Variants in SPHKAP observed in about 807,000 individuals in gnomAD.
SPHKAP encodes SPHK1 interactor, AKAP domain containing, also known as A-kinase anchor protein SPHKAP.
A neutral mutation model predicts 137.5 loss-of-function variants in SPHKAP; 67 were observed. That is an observed-to-expected ratio of 0.49 (90% CI 0.40 to 0.60). The LOEUF (loss-of-function observed/expected upper bound fraction) is 0.60, where lower values mean the gene tolerates loss of function less well. SPHKAP is among the 20% of genes least tolerant of loss of function. SPHKAP has a pLI of 0.00. For synonymous variants in SPHKAP, 813 were observed against 785.3 expected (o/e 1.04, Z -0.59); for missense variants, 2,097 against 2,069.3 (o/e 1.01, Z -0.26).
intron 1 of SPHKAP, among the ~76,000 whole-genome samples, chr2:228,159,404 T>C (rs888986670): frequency 6.6e-6 from 1 of 152,044 alleles, no homozygotes; most frequent in Non-Finnish European, 1.5e-5. Flanking sequence ...TTCTCGTATC[T>C]TCATGAGAGG....
At position 227,981,624 on chromosome 2, in the gene SPHKAP, G is replaced by T; in HGVS notation, c.*93C>A. On this transcript the variant is annotated 3_prime_UTR_variant, in exon 12 of 12. Coordinates refer to ENST00000392056, the MANE Select transcript of SPHKAP (RefSeq NM_001142644.2). ...TTTTATAGTTCTGCTAATGTGATGT[G>T]ATGTTTTGAGAATGTTTAGAGCATT... 1 of 1,448,158 alleles carries T rather than the reference G, an allele frequency of 6.9e-7. No individual in the cohort carries two copies. The highest frequency in any genetic ancestry group is 1.4e-5 in the South Asian group (1 of 71,682). The allele number at this position is 1,448,158 out of a possible 1,614,324, so 89.7% of individuals were successfully genotyped here.
chr2:228,114,297 A>G (rs1698634705), intron 2 of SPHKAP, among the ~76,000 whole-genome samples: 1 of 152,174 alleles, frequency 6.6e-6, no homozygotes, highest in Non-Finnish European at 1.5e-5. Context: ...CTTTTTATAT[A>G]GAGAACCAAG....
At chr2:228,094,549 A>G (rs1200253154) in intron 3 of SPHKAP, among the ~76,000 whole-genome samples, 1 of 152,236 alleles carries the variant, frequency 6.6e-6, no homozygotes, top group Non-Finnish European at 1.5e-5. Context: ...CTGACAGATG[A>G]TTATTGAAAG....
intron 1 of SPHKAP, chr2:228,173,082 C>G: frequency 1.0e-6 from 1 of 985,298 alleles, no homozygotes. Flanking sequence ...GTTTTATGTT[C>G]TTGAATAATC....
At chr2:228,174,052 T>G (rs996787078) in intron 1 of SPHKAP, among the ~76,000 whole-genome samples, 2 of 152,200 alleles carry the variant, frequency 1.3e-5, no homozygotes, top group Non-Finnish European at 2.9e-5. Context: ...GGTAGAGGCT[T>G]TAGTGTCTGA....
intron 3 of SPHKAP, among the ~76,000 whole-genome samples, chr2:228,094,140 A>T (rs971513999): frequency 6.6e-6 from 1 of 152,236 alleles, no homozygotes; most frequent in African/African-American, 2.4e-5. Context: ...TCAAATAAAC[A>T]TGATAATCTT....
chr2:228,090,918 C>G (rs1697707304), intron 3 of SPHKAP, among the ~76,000 whole-genome samples: 2 of 152,190 alleles, frequency 1.3e-5, no homozygotes, highest in Non-Finnish European at 2.9e-5. Flanking sequence ...AATTAAATCT[C>G]TCTTCTTGAT....
intron 3 of SPHKAP, among the ~76,000 whole-genome samples, chr2:228,077,543 A>G (rs988332433): frequency 4.6e-5 from 7 of 152,242 alleles, no homozygotes; most frequent in African/African-American, 1.7e-4. Flanking sequence ...TCAGACTTGC[A>G]TGGGGCCTGT....
chr2:228,050,484 T>C (rs2106272072), intron 3 of SPHKAP, among the ~76,000 whole-genome samples: 1 of 152,346 alleles, frequency 6.6e-6, no homozygotes, highest in Admixed American at 6.5e-5. Flanking sequence ...TAGGTGCTCA[T>C]CAATGGTGGA....
intron 3 of SPHKAP, chr2:228,028,094 A>G (rs1431530897): frequency 2.0e-6 from 2 of 982,952 alleles, no homozygotes; most frequent in Non-Finnish European, 2.4e-6. Context: ...GGCCCAACAT[A>G]CTAAAAAAGT....
chr2:228,153,696 TCA>T (rs1700008010), intron 1 of SPHKAP, among the ~76,000 whole-genome samples: 1 of 152,220 alleles, frequency 6.6e-6, no homozygotes, highest in African/African-American at 2.4e-5. Context: ...TATTTTCTTA[TCA>T]ACTTTTCAAT....
intron 1 of SPHKAP, among the ~76,000 whole-genome samples, chr2:228,142,955 G>A (rs1408662572): frequency 1.3e-5 from 2 of 151,866 alleles, no homozygotes; most frequent in African/African-American, 2.4e-5. Context: ...ACTCTTATCC[G>A]TGCATGCCTA....
rs1694663616 is a variant in SPHKAP, at chr2:228,017,698, G to A, written c.3156C>T (p.Phe1052=). The A allele has an allele frequency of 6.2e-7, 1 of 1,613,910 alleles. No homozygotes were observed. ...CCTGCCACATGCCGTCCACCATAGA[G>A]AACTCCGTTAGGTTCATGATCTTGG... is the stretch of plus-strand genomic sequence containing the variant. ...VAAKIMNLTE[F]SMVDGMWQAQ... Residue 1052 remains phenylalanine (F), a synonymous_variant, in exon 7 of 12, where the codon TTC becomes TTT. Coordinates refer to ENST00000392056, the MANE Select transcript of SPHKAP (RefSeq NM_001142644.2).
chr2:228,014,921 TTTATTA>T (rs1355088231), intron 7 of SPHKAP, among the ~76,000 whole-genome samples: 3 of 152,174 alleles, frequency 2.0e-5, no homozygotes, highest in African/African-American at 7.2e-5. Context: ...TAAATTTAAT[TTTATTA>T]TTATTATCAT....
At chr2:228,037,694 G>T (rs1695677942) in intron 3 of SPHKAP, among the ~76,000 whole-genome samples, 2 of 152,156 alleles carry the variant, frequency 1.3e-5, no homozygotes. Context: ...GAGGTAGTAG[G>T]AGTCGAAATG....
At chr2:228,010,335 T>C (rs1694319507) in intron 7 of SPHKAP, among the ~76,000 whole-genome samples, 1 of 152,162 alleles carries the variant, frequency 6.6e-6, no homozygotes, top group African/African-American at 2.4e-5. Context: ...AAGACCAGCC[T>C]GGCCAACATG....
In SPHKAP at chr2:227,993,603, G is replaced by A. The variant is rs1290966149; in HGVS notation, c.4652C>T (p.Ala1551Val). 6.3e-7 allele frequency: 1 copy of A among 1,597,934 alleles called. No individual in the cohort carries two copies. Among genetic ancestry groups the A allele is most frequent in the South Asian group, 1.1e-5 (1 of 87,760 alleles). The stretch of plus-strand genomic sequence containing the variant: ...ATCCATAATGCCAAGACTGCTAGTG[G>A]CACTACTGTTGCCATTGCTGACAAA... Reference protein sequence around the residue: ...ERSMSNGNSSATSSLGIMDLD... With the variant: ...ERSMSNGNSSVTSSLGIMDLD... Residue 1551 changes from alanine to valine, a missense_variant, in exon 9 of 12, where the codon GCC (alanine) becomes GTC (valine). Ala to Val is a moderately conservative substitution (Grantham distance 64). Transcript: ENST00000392056.
intron 3 of SPHKAP, chr2:228,027,995 A>G (rs944568854): frequency 2.0e-5 from 20 of 983,600 alleles, no homozygotes; most frequent in Non-Finnish European, 2.4e-5. Flanking sequence ...AAAAAAAGAA[A>G]TAGTAATTTC....
chr2:228,084,110 A>AG (rs1050739100), intron 3 of SPHKAP, among the ~76,000 whole-genome samples: 35 of 149,024 alleles, frequency 2.3e-4, no homozygotes, highest in South Asian at 1.5e-3. Flanking sequence ...AAGAAGAAGA[A>AG]AAAAAAAAAA....
Sources: gnomAD v4.1 joint callset for allele counts (sites outside exome capture counted in the v4.1 genomes callset) on GRCh38, gnomAD v4.1.1 for gene constraint, MANE v1.5 for transcripts, NCBI Gene and HGNC (gene_info 2026-07-23, HGNC 2026-07-21) for gene names.